The following ERBB4 variants were observed in gnomAD, a reference collection of about 807,000 sequenced individuals.
The protein encoded by ERBB4 is erb-b2 receptor tyrosine kinase 4.
A neutral mutation model predicts 158.0 loss-of-function variants in ERBB4; 42 were observed. The ratio of observed to expected loss-of-function variants is 0.27; its 90% confidence interval spans 0.21 to 0.34. ERBB4 has a LOEUF of 0.34. Among genes scored for constraint, ERBB4 ranks in the 10% least tolerant of loss-of-function variants. The pLI is 1.00. For synonymous variants in ERBB4, 583 were observed against 558.7 expected (o/e 1.04, Z -0.61); for missense variants, 1,333 against 1,624.1 (o/e 0.82, Z 3.08).
rs138597432 is a variant in ERBB4, at chr2:211,711,870, A to G, written c.1124+180T>C. On this transcript the variant is annotated intron_variant, in intron 9 of 27. Coordinates refer to ENST00000342788, the MANE Select transcript of ERBB4 (RefSeq NM_005235.3). ...AGTCACCAAACTAAAGTTTGAGCACATTCCAAAACTAGTATACTGTCATTG... is the reference window on the plus strand; with the variant it reads ...AGTCACCAAACTAAAGTTTGAGCACGTTCCAAAACTAGTATACTGTCATTG... 4.6e-5 allele frequency among the ~76,000 whole-genome samples: 7 copies of G among 152,294 alleles called. No individual in the cohort carries two copies. The East Asian group carries it at 1.4e-3, about 29-fold the overall frequency.
At chr2:211,743,781 C>A (rs2074872623) in intron 5 of ERBB4, among the ~76,000 whole-genome samples, 1 of 152,158 alleles carries the variant, frequency 6.6e-6, no homozygotes, top group Non-Finnish European at 1.5e-5. Context: ...TGCTGTGGAG[C>A]AATGCAGCCA....
intron 12 of ERBB4, among the ~76,000 whole-genome samples, chr2:211,679,811 CTGGGATTACAGG>C (rs1409673308): frequency 4.6e-5 from 7 of 152,110 alleles, no homozygotes; most frequent in Non-Finnish European, 1.0e-4. Flanking sequence ...TCCTGAGTAG[CTGGGATTACAGG>C]CTCACACTAC....
chr2:211,723,180 A>G (rs1337484983), intron 6 of ERBB4, among the ~76,000 whole-genome samples: 2 of 152,198 alleles, frequency 1.3e-5, no homozygotes, highest in African/African-American at 4.8e-5. Context: ...TACCATGTAG[A>G]AGACAGTTCA....
chr2:212,463,808 C>A (rs1168848091), intron 1 of ERBB4, among the ~76,000 whole-genome samples: 2 of 152,008 alleles, frequency 1.3e-5, no homozygotes, highest in African/African-American at 4.8e-5. Flanking sequence ...TTTCATATTG[C>A]AGAATTACCA....
At chr2:211,830,754 G>A (rs1174985808) in intron 3 of ERBB4, among the ~76,000 whole-genome samples, 1 of 151,976 alleles carries the variant, frequency 6.6e-6, no homozygotes, top group Non-Finnish European at 1.5e-5. Flanking sequence ...AACCCAGGTA[G>A]CAGAAATGTT....
chr2:211,450,992 T>C (rs958515280), intron 20 of ERBB4, among the ~76,000 whole-genome samples: 2 of 152,216 alleles, frequency 1.3e-5, no homozygotes, highest in African/African-American at 4.8e-5. Flanking sequence ...AATAAGTGCA[T>C]GAACATGAAG....
At chr2:211,936,880 T>C (rs2080339113) in intron 3 of ERBB4, among the ~76,000 whole-genome samples, 2 of 152,168 alleles carry the variant, frequency 1.3e-5, no homozygotes, top group Non-Finnish European at 2.9e-5. Context: ...CATTTATCTA[T>C]TTCCTGATAG....
chr2:211,717,741 C>G (rs373743381), intron 7 of ERBB4, among the ~76,000 whole-genome samples: 1 of 152,010 alleles, frequency 6.6e-6, no homozygotes, highest in African/African-American at 2.4e-5. Context: ...GCAGGGGAAT[C>G]GCTTGAACCC....
At chr2:212,016,785 C>G (rs2076538907) in intron 2 of ERBB4, among the ~76,000 whole-genome samples, 1 of 152,008 alleles carries the variant, frequency 6.6e-6, no homozygotes, top group Non-Finnish European at 1.5e-5. Context: ...TGCATAGTAT[C>G]TCTGAATAAG....
chr2:211,903,016 T>A (rs768522817), intron 3 of ERBB4, among the ~76,000 whole-genome samples: 1 of 152,056 alleles, frequency 6.6e-6, no homozygotes, highest in East Asian at 1.9e-4. Flanking sequence ...ATTAATTATG[T>A]CAAACTTTCT....
chr2:211,456,659 G>A (rs1020186456), intron 20 of ERBB4, among the ~76,000 whole-genome samples: 11 of 152,104 alleles, frequency 7.2e-5, no homozygotes, highest in African/African-American at 1.2e-4. Flanking sequence ...GGACTGGTTC[G>A]TGGAAGACAA....
At chr2:212,221,813 C>G (rs2083299134) in intron 1 of ERBB4, among the ~76,000 whole-genome samples, 1 of 151,430 alleles carries the variant, frequency 6.6e-6, no homozygotes, top group Non-Finnish European at 1.5e-5. Flanking sequence ...GACTTTCCTC[C>G]TAGCACCAAC....
rs1277144029 is a variant in ERBB4, at chr2:212,124,754, G to T, written c.232C>A (p.Arg78=). The change falls in exon 2 of 28, where the codon CGG becomes AGG. Residue 78 remains arginine, a splice_region_variant and synonymous_variant. Transcript: ENST00000342788. ...GAGAAAGAAAGCCACAGCTTTACCC[G>T]CAGGAAGGAGAGGTCCCGGTTGTGC... The part of the protein sequence containing the change: ...IEHNRDLSFL[R]SVREVTGYVL... The T allele has an allele frequency of 1.9e-6, 3 of 1,614,052 alleles. No individual in the cohort carries two copies. In the South Asian group the frequency reaches 3.3e-5, roughly 18 times the overall value.
intron 3 of ERBB4, among the ~76,000 whole-genome samples, chr2:211,850,023 A>G (rs1409595570): frequency 6.6e-6 from 1 of 152,038 alleles, no homozygotes; most frequent in African/African-American, 2.4e-5. Context: ...GCCTGCAATT[A>G]TCACACTGAT....
intron 3 of ERBB4, among the ~76,000 whole-genome samples, chr2:211,944,911 G>C (rs1445604698): frequency 6.6e-6 from 1 of 152,106 alleles, no homozygotes; most frequent in Non-Finnish European, 1.5e-5. Context: ...ATTAGGCAGT[G>C]AGGTATCCGA....
chr2:211,541,876 T>C (rs1220763481), intron 20 of ERBB4, among the ~76,000 whole-genome samples: 2 of 152,050 alleles, frequency 1.3e-5, no homozygotes. Context: ...GTGAGTTTCA[T>C]GTTAACACTC....
At chr2:212,192,992 C>T (rs1179912105) in intron 1 of ERBB4, among the ~76,000 whole-genome samples, 2 of 152,134 alleles carry the variant, frequency 1.3e-5, no homozygotes, top group African/African-American at 4.8e-5. Flanking sequence ...TTTGTAAACT[C>T]TGTCACAGAG....
intron 4 of ERBB4, among the ~76,000 whole-genome samples, chr2:211,753,289 A>C (rs201647556): frequency 6.6e-6 from 1 of 151,608 alleles, no homozygotes; most frequent in African/African-American, 2.4e-5. Flanking sequence ...GAAAAAAAAA[A>C]ACAAAATTTC....
intron 20 of ERBB4, among the ~76,000 whole-genome samples, chr2:211,449,963 A>G (rs191647598): frequency 6.6e-6 from 1 of 152,342 alleles, no homozygotes; most frequent in East Asian, 1.9e-4. Context: ...GCTAAATGAT[A>G]AACACTGTCC....
Sources: allele counts gnomAD v4.1 joint callset (sites outside exome capture counted in the v4.1 genomes callset), GRCh38; gene constraint gnomAD v4.1.1; transcripts MANE v1.5; gene names NCBI Gene and HGNC (gene_info 2026-07-23, HGNC 2026-07-21).